The following CRADD variants were observed in gnomAD, a reference collection of about 807,000 sequenced individuals.
CRADD encodes CARD and death domain containing adaptor protein.
A neutral mutation model predicts 15.5 loss-of-function variants in CRADD; 9 were observed. The ratio of observed to expected loss-of-function variants is 0.58; its 90% CI spans 0.35 to 1.01. The LOEUF is 1.01. Ranked by LOEUF, CRADD falls within the 50% of genes least tolerant of loss-of-function variation. CRADD has a pLI of 0.02. For synonymous variants in CRADD, 118 were observed against 107.6 expected, an observed-to-expected ratio of 1.10 and a Z score of -0.60; for missense variants, 227 against 250.3, an observed-to-expected ratio of 0.91 and a Z score of 0.63.
Position 93,879,559 on chromosome 12 carries a change from C to T in CRADD, c.299-14491C>T, listed in dbSNP as rs150483223. Among the ~76,000 whole-genome samples the T allele has an allele frequency of 2.8e-3, 420 of 152,274 alleles. 7 individuals carry two copies. In the East Asian group the frequency reaches 0.031, roughly 11 times the overall value. ...CTAACTGTAACACATGTGTTTTACTCCAAGGTTCATGGGCAGGTGGGGGAG... is the reference window on the plus strand; with the variant it reads ...CTAACTGTAACACATGTGTTTTACTTCAAGGTTCATGGGCAGGTGGGGGAG... On this transcript the variant is annotated intron_variant, in intron 2 of 2. Transcript: ENST00000548483.
intron 2 of CRADD, among the ~76,000 whole-genome samples, chr12:93,745,576 A>C (rs1956736555): frequency 6.6e-6 from 1 of 152,192 alleles, no homozygotes; most frequent in Non-Finnish European, 1.5e-5. Flanking sequence ...AGGTATGTTG[A>C]CACTTGAAAC....
intron 2 of CRADD, among the ~76,000 whole-genome samples, chr12:93,830,017 C>T (rs1217802235): frequency 1.3e-5 from 2 of 152,110 alleles, no homozygotes; most frequent in African/African-American, 4.8e-5. Flanking sequence ...GCTTATGGAG[C>T]ACTCCTGATG....
At chr12:93,754,318 A>G (rs941968534) in intron 2 of CRADD, among the ~76,000 whole-genome samples, 2 of 152,254 alleles carry the variant, frequency 1.3e-5, no homozygotes, top group African/African-American at 4.8e-5. Flanking sequence ...GACTACCTCA[A>G]AGATGCCTGA....
chr12:93,717,351 C>T (rs1482103744), intron 2 of CRADD, among the ~76,000 whole-genome samples: 2 of 152,168 alleles, frequency 1.3e-5, no homozygotes, highest in African/African-American at 4.8e-5. Context: ...GTGCCTTTCA[C>T]AGAGCACACT....
At position 93,747,196 on chromosome 12, in the gene CRADD, G is replaced by A. The variant is rs916615390; in HGVS notation, c.298+68124G>A. Reference sequence around the variant, plus strand: ...GAATTCCTATTAAGGAAGCCAATAAGTCATTGCTGTATTGCGGCCCTGTAG... The same window carrying A: ...GAATTCCTATTAAGGAAGCCAATAAATCATTGCTGTATTGCGGCCCTGTAG... On this transcript the variant is annotated intron_variant, in intron 2 of 2. Coordinates refer to ENST00000332896, the MANE Select transcript of CRADD (RefSeq NM_003805.5). Among the ~76,000 whole-genome samples, 43 of 152,134 alleles carry A rather than the reference G, an allele frequency of 2.8e-4. 1 individual carries two copies. The highest frequency in any genetic ancestry group is 1.0e-3 in the African/African-American group (43 of 41,410).
chr12:93,882,363 G>T (rs753901885), intron 2 of CRADD, among the ~76,000 whole-genome samples: 24 of 149,242 alleles, frequency 1.6e-4, no homozygotes, highest in Non-Finnish European at 3.0e-4. Flanking sequence ...GGAGGTTGCA[G>T]TGAGCTGAGT....
At chr12:93,858,951 A>T (rs1958297161) in intron 2 of CRADD, among the ~76,000 whole-genome samples, 1 of 152,184 alleles carries the variant, frequency 6.6e-6, no homozygotes, top group Non-Finnish European at 1.5e-5. Context: ...TTTCCACATG[A>T]CTGTCCCTGC....
At chr12:93,708,243 A>G (rs978127559) in intron 2 of CRADD, 2 of 152,244 alleles carry the variant, frequency 1.3e-5, no homozygotes, top group African/African-American at 4.8e-5. Context: ...TCCATGGAAT[A>G]TAGACTAACT....
chr12:93,810,196 T>C (rs1957606114), intron 2 of CRADD, among the ~76,000 whole-genome samples: 2 of 152,132 alleles, frequency 1.3e-5, no homozygotes, highest in South Asian at 4.1e-4. Context: ...GCGTGACTAA[T>C]GTAGCTGGAA....
intron 2 of CRADD, among the ~76,000 whole-genome samples, chr12:93,754,002 C>T (rs922944879): frequency 4.6e-5 from 7 of 152,244 alleles, no homozygotes; most frequent in African/African-American, 9.6e-5. Flanking sequence ...TCTCCATGAG[C>T]GCTCCGCCCC....
intron 2 of CRADD, among the ~76,000 whole-genome samples, chr12:93,743,464 T>C (rs1414977162): frequency 6.6e-6 from 1 of 152,156 alleles, no homozygotes; most frequent in Non-Finnish European, 1.5e-5. Context: ...CCCCAGCACC[T>C]GGGACCACAG....
chr12:93,815,669 CTCT>C (rs1957689322), intron 2 of CRADD, among the ~76,000 whole-genome samples: 1 of 152,160 alleles, frequency 6.6e-6, no homozygotes, highest in Non-Finnish European at 1.5e-5. Context: ...ATCCTAAAGT[CTCT>C]TAGCTTTTAA....
intron 2 of CRADD, among the ~76,000 whole-genome samples, chr12:93,694,064 A>T (rs1165078224): frequency 6.6e-6 from 1 of 152,154 alleles, no homozygotes; most frequent in Non-Finnish European, 1.5e-5. Context: ...TTCTTGATCA[A>T]CATAGGTGCA....
At chr12:93,787,975 T>C (rs1259463059) in intron 2 of CRADD, among the ~76,000 whole-genome samples, 1 of 152,206 alleles carries the variant, frequency 6.6e-6, no homozygotes, top group Non-Finnish European at 1.5e-5. Context: ...ATCCTGTCTT[T>C]TCCTTGTAGG....
intron 2 of CRADD, among the ~76,000 whole-genome samples, chr12:93,766,661 T>C (rs1957029767): frequency 6.6e-6 from 1 of 152,266 alleles, no homozygotes; most frequent in African/African-American, 2.4e-5. Context: ...AAGGTGAAAC[T>C]GGTCCTCGTG....
intron 2 of CRADD, among the ~76,000 whole-genome samples, chr12:93,805,999 T>C (rs565408359): frequency 2.0e-4 from 31 of 152,260 alleles, no homozygotes; most frequent in African/African-American, 7.2e-4. Context: ...TGTGAGTTGC[T>C]AAGTCTTTAG....
chr12:93,748,387 C>T (rs543327531), intron 2 of CRADD, among the ~76,000 whole-genome samples: 15 of 144,464 alleles, frequency 1.0e-4, no homozygotes, highest in Admixed American at 8.5e-4. Context: ...CTCACGGCAA[C>T]CTCCGCCTCC....
intron 2 of CRADD, chr12:93,837,618 A>C (rs1957989430): frequency 6.6e-6 from 1 of 152,212 alleles, no homozygotes; most frequent in South Asian, 2.1e-4. Flanking sequence ...TCATTACTAA[A>C]GGCCCACGAG....
chr12:93,852,281 C>T (rs553958578), downstream of CRADD, among the ~76,000 whole-genome samples: 65 of 152,314 alleles, frequency 4.3e-4, no homozygotes, highest in African/African-American at 1.4e-3. Context: ...GGCTCTGCTG[C>T]GTCTGACTAG....
Sources: allele counts gnomAD v4.1 joint callset (sites outside exome capture counted in the v4.1 genomes callset), GRCh38; gene constraint gnomAD v4.1.1; transcripts MANE v1.5; gene names NCBI Gene and HGNC (gene_info 2026-07-23, HGNC 2026-07-21).